FER1L6: variants seen among roughly 807,000 people sequenced by gnomAD.
The protein encoded by FER1L6 is fer-1 like family member 6.
A neutral mutation model predicts 219.2 loss-of-function variants in FER1L6; 177 were observed. The observed-to-expected ratio is 0.81, with a 90% CI of 0.71 to 0.91. The LOEUF is 0.91. Ranked by LOEUF, FER1L6 falls within the 40% of genes least tolerant of loss-of-function variation. The probability of loss-of-function intolerance (pLI) is 0.00; values close to 1 mark genes in which losing one functional copy is unlikely to be tolerated. For synonymous variants in FER1L6, 768 were observed against 824.3 expected (o/e 0.93, Z 1.17); for missense variants, 2,153 against 2,259.9 (o/e 0.95, Z 0.96).
rs997838020 is a variant in FER1L6 at position 124,061,988 on chromosome 8, C to A, written c.3284C>A (p.Pro1095His). The change falls in exon 25 of 41, where the codon CCC becomes CAC. Residue 1095 changes from proline to histidine, a missense_variant. By Grantham distance (77) the Pro-to-His change is moderately conservative. Transcript: ENST00000522917. ...LKQFLCKLRE[P>H]LAPITQVDGT... is the part of the protein sequence containing the mutation. The stretch of plus-strand genomic sequence containing the variant: ...CAGTTTTTGTGTAAACTCAGAGAGC[C>A]CCTTGCCCCCATCACACAGGTGGAT... The A allele has an allele frequency of 6.2e-7, 1 of 1,614,140 alleles. No homozygotes were observed. Among genetic ancestry groups the A allele is most frequent in the East Asian group, 2.2e-5 (1 of 44,868 alleles).
intron 6 of FER1L6, among the ~76,000 whole-genome samples, chr8:123,970,799 C>T (rs746063603): frequency 6.6e-6 from 1 of 152,134 alleles, no homozygotes; most frequent in Non-Finnish European, 1.5e-5. Flanking sequence ...GGGGAAGTGC[C>T]CATGTTGAAG....
At chr8:123,977,299 T>G in intron 9 of FER1L6, 118 bp from the exon 10 acceptor site, 1 of 966,522 alleles carries the variant, frequency 1.0e-6, no homozygotes, top group South Asian at 1.6e-5. Flanking sequence ...TTTTCGTGGG[T>G]GTCAGAAGCA....
chr8:124,067,850 T>C (rs748573497), intron 28 of FER1L6, 44 bp downstream of exon 28: 2 of 1,533,468 alleles, frequency 1.3e-6, no homozygotes, highest in South Asian at 1.1e-5. Context: ...AATAGGGCCA[T>C]CGTTACGAGA....
At chr8:123,970,455 T>G (rs1815755217) in intron 6 of FER1L6, among the ~76,000 whole-genome samples, 1 of 151,902 alleles carries the variant, frequency 6.6e-6, no homozygotes, top group African/African-American at 2.4e-5. Context: ...ATGTAGGTGT[T>G]TCTTTCTTGG....
At chr8:123,967,738 AC>A (rs1297548445) in intron 5 of FER1L6, among the ~76,000 whole-genome samples, 1 of 152,162 alleles carries the variant, frequency 6.6e-6, no homozygotes, top group Non-Finnish European at 1.5e-5. Context: ...TGGGCAGATC[AC>A]GAGGTCAGGA....
intron 28 of FER1L6, among the ~76,000 whole-genome samples, chr8:124,069,095 C>T (rs1820953753): frequency 6.6e-6 from 1 of 152,066 alleles, no homozygotes; most frequent in African/African-American, 2.4e-5. Flanking sequence ...CGCCACCATG[C>T]CTGGCTAATT....
At chr8:124,115,359 A>G (rs1823200443) in intron 39 of FER1L6, among the ~76,000 whole-genome samples, 1 of 152,076 alleles carries the variant, frequency 6.6e-6, no homozygotes, top group South Asian at 2.1e-4. Flanking sequence ...GAGCAGCGGC[A>G]TTTATCGAAG....
At chr8:123,877,766 C>CA (rs34492769) in intron 1 of FER1L6, among the ~76,000 whole-genome samples, 34,162 of 126,282 alleles carry the variant, frequency 0.27, 4,407 homozygotes, top group East Asian at 0.48. Context: ...CCAGTCCCTG[C>CA]AAAAAAAAAA....
In FER1L6 at chr8:124,017,618, T is replaced by G; in HGVS notation, c.1923-10T>G. 1.2e-6 allele frequency: 2 copies of G among 1,601,970 alleles called. No individual in the cohort carries two copies. The highest frequency in any genetic ancestry group is 1.7e-6 in the Non-Finnish European group (2 of 1,171,278). On this transcript the variant is annotated splice_polypyrimidine_tract_variant and intron_variant, in intron 15 of 40. Transcript: ENST00000522917. ...AAGTAGGTTTCAAAATTGTTATTCT[T>G]TTCTTATAGTGCCTTTATCTCTGAA...
intron 1 of FER1L6, among the ~76,000 whole-genome samples, chr8:123,858,109 C>T (rs2130246056): frequency 1.3e-5 from 2 of 152,304 alleles, no homozygotes; most frequent in South Asian, 4.1e-4. Flanking sequence ...CCACTCTTCT[C>T]TGGCGACTCC....
At chr8:124,015,415 G>A (rs1054254018) in intron 15 of FER1L6, among the ~76,000 whole-genome samples, 1 of 151,504 alleles carries the variant, frequency 6.6e-6, no homozygotes, top group African/African-American at 2.4e-5. Flanking sequence ...GAAAAGGAGT[G>A]GAAATTCATC....
rs185771047 is a variant in FER1L6 at position 123,970,085 on chromosome 8, C to A, written c.435C>A (p.Ile145=). ...IGPQVHLFDK[I]IKISVFHHKL... ...CCCAAGTGCATCTTTTTGACAAGAT[C>A]ATCAAAATCTCCGTAAGTATAGCAT... Residue 145 remains isoleucine (I), a synonymous_variant, in exon 6 of 41, where the codon ATC becomes ATA. Transcript: ENST00000522917. 7.8e-5 allele frequency: 126 copies of A among 1,613,894 alleles called. No individual in the cohort carries two copies. The highest frequency in any genetic ancestry group is 1.8e-4 in the Admixed American group (11 of 59,984).
intron 1 of FER1L6, among the ~76,000 whole-genome samples, chr8:123,943,888 G>A (rs1814364698): frequency 6.6e-6 from 1 of 152,092 alleles, no homozygotes; most frequent in Non-Finnish European, 1.5e-5. Flanking sequence ...TAACCTCTCC[G>A]AGGTGAGGTG....
At position 124,118,587 on chromosome 8, in the gene FER1L6, G is replaced by T. The variant is rs377472611; in HGVS notation, c.5290-257G>T. Among the ~76,000 whole-genome samples the T allele has an allele frequency of 1.7e-4, 26 of 152,286 alleles. No individual in the cohort carries two copies. In the East Asian group the frequency reaches 3.5e-3, roughly 20 times the overall value. ...CAAGAAGAGTAGTACATGTGACGGA[G>T]CTTGTGTGTCTGTGTGGACACATGG... On this transcript the variant is annotated intron_variant, in intron 39 of 40. Coordinates refer to ENST00000522917, the MANE Select transcript of FER1L6 (RefSeq NM_001039112.2).
intron 1 of FER1L6, among the ~76,000 whole-genome samples, chr8:123,921,557 T>G (rs1813363593): frequency 1.5e-5 from 2 of 132,996 alleles, no homozygotes; most frequent in Admixed American, 7.7e-5. Flanking sequence ...TTTTTTTTTG[T>G]AGAGACTGGA....
chr8:123,853,632 G>A lies in FER1L6; in HGVS notation c.-8+1447G>A, dbSNP rs182229641. 6.1e-3 allele frequency among the ~76,000 whole-genome samples: 927 copies of A among 152,260 alleles called. 7 individuals carry two copies. Among genetic ancestry groups the A allele is most frequent in the Non-Finnish European group, 9.5e-3 (648 of 68,012 alleles). On this transcript the variant is annotated intron_variant, in intron 1 of 40. Transcript: ENST00000522917. This position sits in a 1 kb window ranked among gnomAD's most constrained non-coding sequence, Gnocchi z 6.6. ...TGAGTAGAGAAAAAGGGGTAGGTAC[G>A]CCTCACCACGGGCAAGCGTGGAGTA...
intron 39 of FER1L6, among the ~76,000 whole-genome samples, chr8:124,118,450 T>G (rs1448237186): frequency 6.6e-6 from 1 of 152,218 alleles, no homozygotes; most frequent in East Asian, 1.9e-4. Context: ...ACCAGTTTCC[T>G]CTTGAGAACT....
chr8:124,090,147 T>C (rs546735904), intron 33 of FER1L6, among the ~76,000 whole-genome samples: 1 of 152,228 alleles, frequency 6.6e-6, no homozygotes, highest in Non-Finnish European at 1.5e-5. Context: ...TCCAGAGGGT[T>C]GTGCCAATTT....
In FER1L6 at chr8:124,098,619, T is replaced by C. The variant is rs531981447; in HGVS notation, c.4883+736T>C. 1.6e-3 allele frequency among the ~76,000 whole-genome samples: 239 copies of C among 152,254 alleles called. 1 individual carries two copies. The highest frequency in any genetic ancestry group is 5.6e-3 in the African/African-American group (232 of 41,542). Reference sequence around the variant, plus strand: ...TTACAAAGGAGTAATAGAAGGAGCATGACACAAAATGAATAAGATTTTAAC... The same window carrying C: ...TTACAAAGGAGTAATAGAAGGAGCACGACACAAAATGAATAAGATTTTAAC... On this transcript the variant is annotated intron_variant, in intron 37 of 40. Transcript: ENST00000522917.
Sources: allele counts gnomAD v4.1 joint callset (sites outside exome capture counted in the v4.1 genomes callset), GRCh38; gene constraint gnomAD v4.1.1; non-coding constraint Gnocchi (gnomAD v3.1); transcripts MANE v1.5; gene names NCBI Gene and HGNC (gene_info 2026-07-23, HGNC 2026-07-21).